LTBP1: variants seen among roughly 807,000 people sequenced by gnomAD.
LTBP1 encodes latent transforming growth factor beta binding protein 1.
LTBP1 carries 129 observed loss-of-function variants against 207.6 expected under a neutral mutation model. The ratio of observed to expected loss-of-function variants is 0.62; its 90% confidence interval spans 0.54 to 0.72. The LOEUF (loss-of-function observed/expected upper bound fraction) is 0.72, where lower values mean the gene tolerates loss of function less well. LTBP1 is among the 30% of genes least tolerant of loss of function. The pLI, the probability that LTBP1 is intolerant of heterozygous loss-of-function variation, is 0.00. For synonymous variants in LTBP1, 963 were observed against 833.7 expected, an observed-to-expected ratio of 1.16 and a Z score of -2.67; for missense variants, 2,281 against 2,217.2, an observed-to-expected ratio of 1.03 and a Z score of -0.58.
At chr2:32,953,284 G>A (rs1249109672) in intron 2 of LTBP1, among the ~76,000 whole-genome samples, 2 of 152,230 alleles carry the variant, frequency 1.3e-5, no homozygotes, top group African/African-American at 2.4e-5. Flanking sequence ...ACGGTCTCAG[G>A]CTGTCCCCCA....
At chr2:32,963,388 T>C (rs972756971) in intron 2 of LTBP1, among the ~76,000 whole-genome samples, 10 of 150,738 alleles carry the variant, frequency 6.6e-5, no homozygotes, top group Non-Finnish European at 1.3e-4. Flanking sequence ...TTTTTAACTT[T>C]TTTGTAGAGG....
chr2:33,046,624 C>G (rs774932204), intron 3 of LTBP1, among the ~76,000 whole-genome samples: 24 of 152,146 alleles, frequency 1.6e-4, no homozygotes, highest in Non-Finnish European at 3.2e-4. Flanking sequence ...ATGCTGGCCT[C>G]ATAAAATGAG....
chr2:32,977,424 TG>T (rs766954498), intron 2 of LTBP1, among the ~76,000 whole-genome samples: 3 of 152,220 alleles, frequency 2.0e-5, no homozygotes, highest in Non-Finnish European at 2.9e-5. Flanking sequence ...AAGTTGGCAC[TG>T]AGCCTTGTCT....
chr2:33,253,504 G>A (rs2092740099), intron 11 of LTBP1, among the ~76,000 whole-genome samples: 1 of 152,154 alleles, frequency 6.6e-6, no homozygotes, highest in Admixed American at 6.5e-5. Context: ...ATCAAGTAGA[G>A]TTAAGTGGAA....
intron 26 of LTBP1, among the ~76,000 whole-genome samples, chr2:33,357,368 C>A (rs953876847): frequency 6.6e-6 from 1 of 152,164 alleles, no homozygotes; most frequent in Non-Finnish European, 1.5e-5. Context: ...GCCCTCTTCC[C>A]ATTTATCTCA....
In LTBP1 at chr2:33,162,854, G is replaced by A. The variant is rs114531853; in HGVS notation, c.1202-24002G>A. 6.7e-3 allele frequency among the ~76,000 whole-genome samples: 1,023 copies of A among 152,308 alleles called. 8 individuals carry two copies. Among genetic ancestry groups the A allele is most frequent in the Middle Eastern group, 0.031 (9 of 294 alleles). ...CTGCCAGATACAGACAGGAACCCTT[G>A]TCATTAAACCCAAGGCCAGCAGACA... On this transcript the variant is annotated intron_variant, in intron 5 of 33. Transcript: ENST00000404816.
At chr2:33,086,495 C>G (rs949087081) in intron 3 of LTBP1, among the ~76,000 whole-genome samples, 3 of 152,168 alleles carry the variant, frequency 2.0e-5, no homozygotes, top group Non-Finnish European at 4.4e-5. Context: ...CCATTGACTT[C>G]CTCAGGCTTA....
intron 24 of LTBP1, among the ~76,000 whole-genome samples, chr2:33,331,534 G>A (rs940931537): frequency 4.6e-5 from 7 of 151,832 alleles, no homozygotes; most frequent in African/African-American, 1.5e-4. Context: ...TTAACTTTTT[G>A]TTACTGGTTT....
intron 2 of LTBP1, among the ~76,000 whole-genome samples, chr2:33,017,434 G>A (rs1486679226): frequency 6.6e-6 from 1 of 152,190 alleles, no homozygotes; most frequent in Non-Finnish European, 1.5e-5. Context: ...AGATTTAGCA[G>A]GCTTGGGGTA....
At chr2:33,329,491 G>T (rs1254112793) in intron 24 of LTBP1, among the ~76,000 whole-genome samples, 1 of 152,090 alleles carries the variant, frequency 6.6e-6, no homozygotes, top group Non-Finnish European at 1.5e-5. Flanking sequence ...TTAAGGTACT[G>T]TTATGTTGTC....
At chr2:33,063,952 C>G (rs2077383286) in intron 3 of LTBP1, among the ~76,000 whole-genome samples, 1 of 151,706 alleles carries the variant, frequency 6.6e-6, no homozygotes. Flanking sequence ...CTCCCAGGTT[C>G]AAGTGACTCT....
At chr2:33,032,477 C>G (rs914883099) in intron 3 of LTBP1, among the ~76,000 whole-genome samples, 1 of 152,090 alleles carries the variant, frequency 6.6e-6, no homozygotes, top group African/African-American at 2.4e-5. Context: ...TAGGAGTGAT[C>G]CACTCACCTA....
chr2:33,129,813 TTTAG>T (rs2081660526), intron 4 of LTBP1, among the ~76,000 whole-genome samples: 1 of 152,202 alleles, frequency 6.6e-6, no homozygotes, highest in South Asian at 2.1e-4. Context: ...TGCCTCTTTC[TTTAG>T]TTACTCCTGC....
chr2:33,396,696 A>G (rs1017858661), intron 32 of LTBP1, among the ~76,000 whole-genome samples: 1 of 152,194 alleles, frequency 6.6e-6, no homozygotes, highest in African/African-American at 2.4e-5. Flanking sequence ...ACGCCGGCTG[A>G]AAACGTATTG....
chr2:32,987,791 C>T (rs575822895), intron 2 of LTBP1, among the ~76,000 whole-genome samples: 7 of 152,278 alleles, frequency 4.6e-5, no homozygotes, highest in African/African-American at 1.7e-4. Context: ...TACCTCTAGC[C>T]ATATTTACAA....
chr2:32,979,953 G>A (rs530071128), intron 2 of LTBP1, among the ~76,000 whole-genome samples: 13 of 151,936 alleles, frequency 8.6e-5, no homozygotes, highest in African/African-American at 2.9e-4. Flanking sequence ...TATAATATTT[G>A]TCTTGAAATC....
intron 7 of LTBP1, among the ~76,000 whole-genome samples, chr2:33,194,062 C>T (rs762119369): frequency 6.6e-6 from 1 of 152,140 alleles, no homozygotes; most frequent in South Asian, 2.1e-4. Flanking sequence ...TCCTGGCTCA[C>T]TGCAAGGTCT....
intron 5 of LTBP1, among the ~76,000 whole-genome samples, chr2:33,164,767 C>T (rs1203970568): frequency 6.6e-6 from 1 of 152,196 alleles, no homozygotes; most frequent in Non-Finnish European, 1.5e-5. Flanking sequence ...CAACGATTGA[C>T]ATTCATTTGT....
At chr2:33,202,646 C>G (rs2089439169) in intron 7 of LTBP1, among the ~76,000 whole-genome samples, 2 of 152,248 alleles carry the variant, frequency 1.3e-5, no homozygotes, top group East Asian at 1.9e-4. Context: ...GATTAGAAGT[C>G]TAAAGAAAAA....
Sources: allele counts gnomAD v4.1 joint callset (sites outside exome capture counted in the v4.1 genomes callset), GRCh38; gene constraint gnomAD v4.1.1; transcripts MANE v1.5; gene names NCBI Gene and HGNC (gene_info 2026-07-23, HGNC 2026-07-21).